RIMOC1: variants seen among roughly 807,000 people sequenced by gnomAD.
The protein encoded by RIMOC1 is RAB7A interacting MON1-CCZ1 complex subunit 1.
chr5:41,912,053 T>C, the RIMOC1 span: 5 of 1,428,074 alleles, frequency 3.5e-6, no homozygotes, highest in Non-Finnish European at 4.9e-6. Flanking sequence ...ATTCTTTGGC[T>C]CTGACTTTTA....
At chr5:41,906,738 A>G in the RIMOC1 span, among the ~76,000 whole-genome samples, 1 of 152,240 alleles carries the variant, frequency 6.6e-6, no homozygotes, top group Non-Finnish European at 1.5e-5. Context: ...CATGATTGCC[A>G]ACAGACATAA....
At chr5:41,904,575 G>C in the RIMOC1 span, 13 of 1,030,944 alleles carry the variant, frequency 1.3e-5, no homozygotes, top group African/African-American at 1.9e-4. Flanking sequence ...TTGGGTCCCA[G>C]GCCGCAGGTG....
chr5:41,921,114 CTTTT>C, the RIMOC1 span: 1 of 152,560 alleles, frequency 6.6e-6, no homozygotes, highest in African/African-American at 2.4e-5. Context: ...TGACTAAAGA[CTTTT>C]CTTTCTTCTT....
chr5:41,917,309 C>G, the RIMOC1 span: 5 of 1,579,708 alleles, frequency 3.2e-6, no homozygotes, highest in Admixed American at 9.3e-5. Flanking sequence ...GTAAGTTCAT[C>G]TAGTCCTTTT....
chr5:41,912,293 CA>C, the RIMOC1 span: 1 of 649,172 alleles, frequency 1.5e-6, no homozygotes, highest in Non-Finnish European at 2.7e-6. Flanking sequence ...AGATTATAGA[CA>C]AAAAAGTAAT....
At chr5:41,917,423 G>C in the RIMOC1 span, 1 of 1,390,178 alleles carries the variant, frequency 7.2e-7, no homozygotes, top group Non-Finnish European at 9.3e-7. Flanking sequence ...AAGATATCCA[G>C]CTTGGGTACC....
chr5:41,914,052 A>C, the RIMOC1 span, among the ~76,000 whole-genome samples: 1 of 152,228 alleles, frequency 6.6e-6, no homozygotes, highest in Non-Finnish European at 1.5e-5. Context: ...GGTAGGCACT[A>C]CAGCTCATTT....
At chr5:41,920,596 G>C in the RIMOC1 span, 1 of 152,144 alleles carries the variant, frequency 6.6e-6, no homozygotes, top group African/African-American at 2.4e-5. Context: ...AAGAATAAAT[G>C]AGGGTAAGGG....
chr5:41,915,030 CTG>C, the RIMOC1 span, among the ~76,000 whole-genome samples: 13 of 152,018 alleles, frequency 8.6e-5, no homozygotes, highest in African/African-American at 3.1e-4. Flanking sequence ...AAACTCAAAA[CTG>C]TGTATGGTTT....
the RIMOC1 span, chr5:41,904,392 G>A: frequency 1.2e-6 from 2 of 1,613,918 alleles, no homozygotes; most frequent in East Asian, 2.2e-5. Flanking sequence ...CTCTAGTGTG[G>A]TGAGACGAGT....
At chr5:41,916,039 G>A in the RIMOC1 span, among the ~76,000 whole-genome samples, 3 of 152,148 alleles carry the variant, frequency 2.0e-5, no homozygotes, top group Non-Finnish European at 4.4e-5. Flanking sequence ...ATCATATTAG[G>A]TGAACAACAG....
At chr5:41,917,622 T>G in the RIMOC1 span, 1 of 993,884 alleles carries the variant, frequency 1.0e-6, no homozygotes, top group Non-Finnish European at 1.2e-6. Flanking sequence ...TTGTGGTATA[T>G]GTAACACAAG....
chr5:41,914,725 G>A, the RIMOC1 span, among the ~76,000 whole-genome samples: 16 of 152,082 alleles, frequency 1.1e-4, 1 homozygote, highest in East Asian at 3.9e-4. Flanking sequence ...AGCCCTGATC[G>A]CACAGCTGCA....
At chr5:41,912,989 C>G in the RIMOC1 span, among the ~76,000 whole-genome samples, 1 of 152,170 alleles carries the variant, frequency 6.6e-6, no homozygotes, top group Non-Finnish European at 1.5e-5. Flanking sequence ...AAAACCAGAC[C>G]CCCTCTTCAT....
chr5:41,920,171 A>G, the RIMOC1 span: 1 of 152,170 alleles, frequency 6.6e-6, no homozygotes, highest in Non-Finnish European at 1.5e-5. Flanking sequence ...ACCCTGGTAG[A>G]CCACTTGGTC....
chr5:41,918,305 CTT>C, the RIMOC1 span: 1 of 985,688 alleles, frequency 1.0e-6, no homozygotes. Flanking sequence ...TAACTGCCCT[CTT>C]TTCAGTTTTT....
At chr5:41,904,678 G>GC in the RIMOC1 span, among the ~76,000 whole-genome samples, 1 of 152,058 alleles carries the variant, frequency 6.6e-6, no homozygotes, top group African/African-American at 2.4e-5. Context: ...TTCGAAAACC[G>GC]CATTATTCAG....
the RIMOC1 span, among the ~76,000 whole-genome samples, chr5:41,914,641 A>C: frequency 6.6e-6 from 1 of 151,050 alleles, no homozygotes; most frequent in Non-Finnish European, 1.5e-5. Flanking sequence ...GTGGTGGTGC[A>C]TGACTGTAGT....
At chr5:41,916,357 A>G in the RIMOC1 span, 1 of 858,294 alleles carries the variant, frequency 1.2e-6, no homozygotes, top group Non-Finnish European at 1.4e-6. Context: ...ATAAATATTT[A>G]ATTATATAAT....
Sources: allele counts gnomAD v4.1 joint callset (sites outside exome capture counted in the v4.1 genomes callset), GRCh38; gene constraint gnomAD v4.1.1; transcripts MANE v1.5; gene names NCBI Gene and HGNC (gene_info 2026-07-23, HGNC 2026-07-21).